RNF150: variants seen among roughly 807,000 people sequenced by gnomAD.
RNF150 encodes the protein ring finger protein 150.
In RNF150, 24 loss-of-function variants were observed where a neutral mutation model predicts 39.3. The observed-to-expected ratio is 0.61, with a 90% confidence interval of 0.44 to 0.86. The LOEUF is 0.86. Ranked by LOEUF, RNF150 falls within the 40% of genes least tolerant of loss-of-function variation. The probability of loss-of-function intolerance (pLI) is 0.00; values close to 1 mark genes in which losing one functional copy is unlikely to be tolerated. For synonymous variants in RNF150, 255 were observed against 227.3 expected (o/e 1.12, Z -1.10); for missense variants, 502 against 587.8 (o/e 0.85, Z 1.51).
intron 4 of RNF150, among the ~76,000 whole-genome samples, chr4:140,927,598 T>C (rs1365740170): frequency 6.6e-6 from 1 of 152,172 alleles, no homozygotes; most frequent in Non-Finnish European, 1.5e-5. Flanking sequence ...AGCATCATGC[T>C]TCCTATAGCC....
chr4:140,890,403 ATT>A (rs967333870), intron 6 of RNF150, among the ~76,000 whole-genome samples: 10 of 152,122 alleles, frequency 6.6e-5, no homozygotes, highest in African/African-American at 2.2e-4. Flanking sequence ...TATTATAACA[ATT>A]TTTCCCTGTA....
intron 1 of RNF150, among the ~76,000 whole-genome samples, chr4:140,993,295 C>T (rs1466863559): frequency 2.6e-5 from 4 of 152,102 alleles, no homozygotes; most frequent in South Asian, 2.1e-4. Context: ...CCACCTCATT[C>T]GGACTCTGCT....
intron 1 of RNF150, among the ~76,000 whole-genome samples, chr4:141,144,377 A>G (rs2636767): frequency 0.38 from 57,649 of 152,070 alleles, 13,506 homozygotes; most frequent in Non-Finnish European, 0.5. Context: ...ACACTGATAA[A>G]GACTGTGTTT....
chr4:141,154,534 C>T (rs1395709925), intron 1 of RNF150, among the ~76,000 whole-genome samples: 1 of 152,148 alleles, frequency 6.6e-6, no homozygotes, highest in East Asian at 1.9e-4. Flanking sequence ...AGAACACACA[C>T]ACTCGAGAAC....
At chr4:140,987,976 T>C (rs181800324) in intron 1 of RNF150, among the ~76,000 whole-genome samples, 1 of 152,220 alleles carries the variant, frequency 6.6e-6, no homozygotes, top group East Asian at 1.9e-4. Flanking sequence ...AAAGAAGACA[T>C]ACAAGCAGCC....
At chr4:140,902,267 G>A (rs1350510702) in intron 6 of RNF150, among the ~76,000 whole-genome samples, 1 of 152,110 alleles carries the variant, frequency 6.6e-6, no homozygotes, top group Non-Finnish European at 1.5e-5. Flanking sequence ...CAATAGCATG[G>A]AAAAAATATA....
intron 1 of RNF150, among the ~76,000 whole-genome samples, chr4:141,191,552 G>A (rs1035563989): frequency 6.6e-6 from 1 of 152,188 alleles, no homozygotes; most frequent in Non-Finnish European, 1.5e-5. Context: ...CAAAGAGGGT[G>A]TCGTATATTT....
chr4:141,104,979 G>A (rs537076161), intron 1 of RNF150, among the ~76,000 whole-genome samples: 2 of 152,192 alleles, frequency 1.3e-5, no homozygotes, highest in East Asian at 3.9e-4. Context: ...ACCCCATCGT[G>A]ATTTAACATC....
intron 6 of RNF150, among the ~76,000 whole-genome samples, chr4:140,893,544 C>CATA (rs1167522995): frequency 2.0e-5 from 3 of 152,312 alleles, no homozygotes; most frequent in African/African-American, 7.2e-5. Context: ...ACAGGAATCT[C>CATA]ATTCCTGCTC....
intron 1 of RNF150, among the ~76,000 whole-genome samples, chr4:141,152,928 C>T (rs188341959): frequency 3.3e-5 from 5 of 152,206 alleles, no homozygotes; most frequent in Admixed American, 3.3e-4. Context: ...GTTTGCTGCA[C>T]CTATCAACCC....
intron 5 of RNF150, among the ~76,000 whole-genome samples, chr4:140,924,626 GA>G (rs1411032313): frequency 6.6e-6 from 1 of 152,170 alleles, no homozygotes; most frequent in Non-Finnish European, 1.5e-5. Flanking sequence ...GTTATAGACA[GA>G]AATGTGAACA....
chr4:140,966,438 G>A (rs1324371798), intron 2 of RNF150, among the ~76,000 whole-genome samples: 1 of 152,046 alleles, frequency 6.6e-6, no homozygotes, highest in African/African-American at 2.4e-5. Flanking sequence ...AAGCTGAGGG[G>A]TGGTGAGGTG....
At chr4:140,939,056 G>C (rs1383371542) in intron 4 of RNF150, among the ~76,000 whole-genome samples, 2 of 152,110 alleles carry the variant, frequency 1.3e-5, no homozygotes, top group Non-Finnish European at 2.9e-5. Flanking sequence ...CCTCAAAAAA[G>C]TCCTTTTCCA....
chr4:140,936,662 A>G (rs1303624915), intron 4 of RNF150, among the ~76,000 whole-genome samples: 3 of 152,168 alleles, frequency 2.0e-5, no homozygotes, highest in Admixed American at 2.0e-4. Context: ...GCATTATAAA[A>G]AATAAAAATA....
At chr4:140,937,590 T>TA (rs951733896) in intron 4 of RNF150, among the ~76,000 whole-genome samples, 54 of 152,092 alleles carry the variant, frequency 3.6e-4, no homozygotes, top group Non-Finnish European at 7.4e-4. Flanking sequence ...CTAAAGTTTT[T>TA]AAAAAATGTT....
chr4:140,884,452 G>A (rs1482064884), intron 6 of RNF150, among the ~76,000 whole-genome samples: 1 of 152,122 alleles, frequency 6.6e-6, no homozygotes, highest in East Asian at 1.9e-4. Context: ...CAGGTAGTTC[G>A]CCAACCAGCC....
intron 1 of RNF150, among the ~76,000 whole-genome samples, chr4:141,172,349 G>A (rs1007487680): frequency 7.9e-5 from 12 of 152,202 alleles, no homozygotes; most frequent in Non-Finnish European, 1.2e-4. Context: ...AAAGGAAGGC[G>A]CACAGCTAAA....
intron 1 of RNF150, among the ~76,000 whole-genome samples, chr4:140,977,009 C>A (rs1325870136): frequency 1.3e-5 from 2 of 152,044 alleles, no homozygotes; most frequent in East Asian, 3.9e-4. Flanking sequence ...CCCCTCCCAC[C>A]CACATTCTAA....
chr4:141,078,805 AAAAAT>A (rs1377973431), intron 1 of RNF150, among the ~76,000 whole-genome samples: 204 of 81,516 alleles, frequency 2.5e-3, no homozygotes, highest in East Asian at 0.016. Flanking sequence ...AAAAAAAAAA[AAAAAT>A]ATATATATAT....
Sources: gnomAD v4.1 joint callset for allele counts (sites outside exome capture counted in the v4.1 genomes callset) on GRCh38, gnomAD v4.1.1 for gene constraint, MANE v1.5 for transcripts, NCBI Gene and HGNC (gene_info 2026-07-23, HGNC 2026-07-21) for gene names.